The following WWOX variants were observed in gnomAD, a reference collection of about 807,000 sequenced individuals.
WWOX encodes the protein WW domain containing oxidoreductase.
A neutral mutation model predicts 46.2 loss-of-function variants in WWOX; 69 were observed. The observed-to-expected ratio is 1.49, with a 90% CI of 1.23 to 1.82. WWOX has a LOEUF of 1.82. WWOX is among the 40% of genes most tolerant of loss of function. The pLI, the probability that WWOX is intolerant of heterozygous loss-of-function variation, is 0.00. For synonymous variants in WWOX, 359 were observed against 202.6 expected (o/e 1.77, Z -6.56); for missense variants, 919 against 542.6 (o/e 1.69, Z -6.89).
At chr16:78,637,834 G>C (rs2046611624) in intron 8 of WWOX, among the ~76,000 whole-genome samples, 2 of 152,170 alleles carry the variant, frequency 1.3e-5, no homozygotes, top group African/African-American at 4.8e-5. Flanking sequence ...ATTGTGTTGT[G>C]TGTGTCTCCA....
At chr16:78,798,682 G>C (rs1246680335) in intron 8 of WWOX, among the ~76,000 whole-genome samples, 2 of 151,114 alleles carry the variant, frequency 1.3e-5, no homozygotes, top group Non-Finnish European at 2.9e-5. Flanking sequence ...CCATCTCAGG[G>C]GTAAATAAAT....
chr16:78,278,654 T>C (rs376972567), intron 5 of WWOX: 20 of 1,609,664 alleles, frequency 1.2e-5, no homozygotes, highest in Non-Finnish European at 1.6e-5. Flanking sequence ...AATTTTCCAC[T>C]AGCAAAAGAA....
intron 8 of WWOX, among the ~76,000 whole-genome samples, chr16:78,572,249 A>T (rs1332707850): frequency 6.6e-6 from 1 of 152,194 alleles, no homozygotes; most frequent in Non-Finnish European, 1.5e-5. Context: ...ATGGGTGGAT[A>T]CCAGAACGTG....
rs1224126166 is a variant in WWOX at position 78,347,993 on chromosome 16, C to T, written c.517-38867C>T. Among the ~76,000 whole-genome samples, 2 of 122,612 alleles carry T rather than the reference C, an allele frequency of 1.6e-5. 1 individual carries two copies. Among genetic ancestry groups the T allele is most frequent in the Non-Finnish European group, 3.9e-5 (2 of 51,092 alleles). The allele number at this position is 122,612 out of a possible 152,430, so 80.4% of individuals were successfully genotyped here. A position where few individuals can be genotyped will look rare whatever the true frequency, so the allele number is the denominator to read the frequency against. ...AGTAAGATTCTTTTAAAATCATGCCCAAGTTTTAAAGGAATATAAAACTTT... is the reference window on the plus strand; with the variant it reads ...AGTAAGATTCTTTTAAAATCATGCCTAAGTTTTAAAGGAATATAAAACTTT... On this transcript the variant is annotated intron_variant, in intron 5 of 8. Coordinates refer to ENST00000566780, the MANE Select transcript of WWOX (RefSeq NM_016373.4).
chr16:78,804,057 T>C (rs1271365605), intron 8 of WWOX, among the ~76,000 whole-genome samples: 1 of 152,136 alleles, frequency 6.6e-6, no homozygotes, highest in Non-Finnish European at 1.5e-5. Context: ...TTCCTTCATC[T>C]GACTTCCCTC....
chr16:78,204,296 T>A (rs2036323526), intron 5 of WWOX, among the ~76,000 whole-genome samples: 1 of 152,190 alleles, frequency 6.6e-6, no homozygotes, highest in Admixed American at 6.5e-5. Flanking sequence ...ACATAGTAGG[T>A]GCTTATATTT....
chr16:78,867,446 C>T (rs1216387084), intron 8 of WWOX, among the ~76,000 whole-genome samples: 1 of 151,682 alleles, frequency 6.6e-6, no homozygotes, highest in Admixed American at 6.6e-5. Context: ...TTCCAATTGA[C>T]AGATGGGGAA....
intron 8 of WWOX, among the ~76,000 whole-genome samples, chr16:79,185,606 C>G (rs1049944552): frequency 6.6e-6 from 1 of 152,184 alleles, no homozygotes. Context: ...GTCTGTCTTT[C>G]ACGGCTTGGG....
intron 8 of WWOX, among the ~76,000 whole-genome samples, chr16:78,484,644 G>C (rs1344798404): frequency 1.3e-5 from 2 of 152,186 alleles, no homozygotes; most frequent in Non-Finnish European, 2.9e-5. Context: ...TGTAGAAGTT[G>C]AGTGGATGTG....
At chr16:79,183,929 T>C (rs535459206) in intron 8 of WWOX, among the ~76,000 whole-genome samples, 1 of 152,356 alleles carries the variant, frequency 6.6e-6, no homozygotes, top group South Asian at 2.1e-4. Context: ...GCCACTCAGA[T>C]GACTCCAGAA....
At chr16:78,688,260 T>A (rs949580995) in intron 8 of WWOX, among the ~76,000 whole-genome samples, 1 of 152,166 alleles carries the variant, frequency 6.6e-6, no homozygotes, top group Non-Finnish European at 1.5e-5. Flanking sequence ...AAGCTTGGTT[T>A]TATTTCTTGT....
intron 8 of WWOX, among the ~76,000 whole-genome samples, chr16:78,647,043 A>G (rs528277408): frequency 1.3e-5 from 2 of 152,266 alleles, no homozygotes; most frequent in African/African-American, 4.8e-5. Flanking sequence ...TTTTGAGCCC[A>G]GCTCTCCCTT....
At chr16:79,203,341 C>T (rs2051403015) in intron 8 of WWOX, 2 of 152,234 alleles carry the variant, frequency 1.3e-5, no homozygotes, top group Admixed American at 1.3e-4. Context: ...ACACACCTAA[C>T]TCAGACATGC....
chr16:78,144,429 C>CTATATATATATATATATAGGTGTA (rs1231079672), intron 4 of WWOX, among the ~76,000 whole-genome samples: 1 of 15,400 alleles, frequency 6.5e-5, no homozygotes, highest in African/African-American at 2.7e-4. Flanking sequence ...TTTGCCATTA[C>CTATATATATATATATATAGGTGTA]TATATATATA....
chr16:78,372,929 T>TA (rs1209327436), intron 5 of WWOX, among the ~76,000 whole-genome samples: 1 of 152,176 alleles, frequency 6.6e-6, no homozygotes. Context: ...GTAGCATCAT[T>TA]AATCTGATAT....
At chr16:79,163,686 C>T (rs57537879) in intron 8 of WWOX, among the ~76,000 whole-genome samples, 5,047 of 150,984 alleles carry the variant, frequency 0.033, 311 homozygotes, top group African/African-American at 0.12. Context: ...TAATCCCAGC[C>T]ACTTTTGAGG....
chr16:78,493,667 G>C (rs575761235), intron 8 of WWOX, among the ~76,000 whole-genome samples: 10 of 152,234 alleles, frequency 6.6e-5, no homozygotes, highest in African/African-American at 1.9e-4. Flanking sequence ...GTATAGAAGC[G>C]TATAATCCAC....
intron 8 of WWOX, among the ~76,000 whole-genome samples, chr16:78,947,315 C>G (rs2045968627): frequency 6.6e-6 from 1 of 152,190 alleles, no homozygotes; most frequent in Admixed American, 6.5e-5. Flanking sequence ...GGCAGGAACG[C>G]TGTCATTAGC....
rs1026487661 is a variant in WWOX, at chr16:78,414,211, C to T, written c.606-10659C>T. ...CCCACCCAAATCCTGTAAAACTGCC[C>T]TACACCTATTTCCCTTTGCTGACCC... On this transcript the variant is annotated intron_variant, in intron 6 of 8. Coordinates refer to ENST00000566780, the MANE Select transcript of WWOX (RefSeq NM_016373.4). Among the ~76,000 whole-genome samples the T allele has an allele frequency of 4.6e-5, 7 of 152,036 alleles. No homozygotes were observed. In the East Asian group the frequency reaches 5.8e-4, roughly 13 times the overall value.
Sources: allele counts gnomAD v4.1 joint callset (sites outside exome capture counted in the v4.1 genomes callset), GRCh38; gene constraint gnomAD v4.1.1; transcripts MANE v1.5; gene names NCBI Gene and HGNC (gene_info 2026-07-23, HGNC 2026-07-21).